RERE: variants seen among roughly 807,000 people sequenced by gnomAD.
RERE encodes the protein arginine-glutamic acid dipeptide repeats protein.
In RERE, 40 loss-of-function variants were observed where a neutral mutation model predicts 146.1. The observed-to-expected ratio is 0.27, with a 90% CI of 0.21 to 0.36. The LOEUF is 0.36. Among genes scored for constraint, RERE ranks in the 10% least tolerant of loss-of-function variants. RERE has a pLI of 1.00. For synonymous variants in RERE, 1,003 were observed against 866.0 expected, an observed-to-expected ratio of 1.16 and a Z score of -2.78; for missense variants, 1,933 against 2,138.7, an observed-to-expected ratio of 0.90 and a Z score of 1.90.
At chr1:8,805,153 C>T (rs1641665705) in intron 1 of RERE, among the ~76,000 whole-genome samples, 1 of 151,152 alleles carries the variant, frequency 6.6e-6, no homozygotes, top group Non-Finnish European at 1.5e-5. Flanking sequence ...TACAGATGCC[C>T]GCCACCATAC....
At chr1:8,674,334 C>T (rs867917311) in intron 1 of RERE, among the ~76,000 whole-genome samples, 15 of 152,070 alleles carry the variant, frequency 9.9e-5, no homozygotes, top group African/African-American at 3.4e-4. Flanking sequence ...GAAAGTAATA[C>T]ATACTTCTTT....
chr1:8,771,439 G>A (rs1010535790), intron 1 of RERE, among the ~76,000 whole-genome samples: 12 of 151,324 alleles, frequency 7.9e-5, no homozygotes, highest in Non-Finnish European at 1.0e-4. Context: ...CAGGAGAATC[G>A]CTTGAACCCA....
chr1:8,494,387 T>G (rs760660684), intron 10 of RERE, among the ~76,000 whole-genome samples: 1 of 152,154 alleles, frequency 6.6e-6, no homozygotes, highest in Non-Finnish European at 1.5e-5. Flanking sequence ...AAATTGTGAC[T>G]TAATCTCTCT....
At chr1:8,776,137 C>T (rs1641059999) in intron 1 of RERE, among the ~76,000 whole-genome samples, 1 of 152,202 alleles carries the variant, frequency 6.6e-6, no homozygotes, top group Non-Finnish European at 1.5e-5. Flanking sequence ...CTAAATTCTT[C>T]ATCTGTTTAT....
rs1191948160 is a variant in RERE, at chr1:8,360,296, A to G, written c.3211T>C (p.Ser1071Pro). ...GPGTSAQPPC[S>P]GAAASGGSIA... is the part of the protein sequence containing the mutation. ...CTGCCTCCTGAAGCCGCCGCACCAG[A>G]GCAGGGTGGCTGGGCCGAGGTGCCA... Residue 1071 changes from serine (S) to proline (P), a missense_variant, in exon 18 of 23, where the codon TCT becomes CCT. Ser to Pro is a moderately conservative substitution (Grantham distance 74). This residue lies in a region of RERE where 1,255 missense variants were observed against 1,153.8 expected (regional missense o/e 1.09). Transcript: ENST00000400908. The G allele has an allele frequency of 6.4e-7, 1 of 1,552,150 alleles. No homozygotes were observed.
chr1:8,746,140 A>T (rs1273553075), intron 1 of RERE, among the ~76,000 whole-genome samples: 1 of 152,230 alleles, frequency 6.6e-6, no homozygotes, highest in African/African-American at 2.4e-5. Context: ...AATTTCTTTG[A>T]TCCTCACAAT....
intron 1 of RERE, chr1:8,805,899 T>C (rs1396083424): frequency 1.4e-5 from 2 of 139,310 alleles, no homozygotes; most frequent in Non-Finnish European, 3.0e-5. Flanking sequence ...TTTTCCAGGC[T>C]GGAGTGCAAT....
At chr1:8,400,998 A>T (rs1643232028) in intron 12 of RERE, among the ~76,000 whole-genome samples, 1 of 118,726 alleles carries the variant, frequency 8.4e-6, no homozygotes. Context: ...AGCCTGGGTG[A>T]CACAGTGAGA....
intron 4 of RERE, among the ~76,000 whole-genome samples, chr1:8,600,741 A>T (rs1646611527): frequency 7.0e-6 from 1 of 143,452 alleles, no homozygotes; most frequent in South Asian, 2.2e-4. Flanking sequence ...CACTGAAAAC[A>T]AGCCAATACT....
At chr1:8,386,575 T>TTTTTTTTTTTTTTTTTTTTTTTTTTG (rs1553159899) in intron 12 of RERE, among the ~76,000 whole-genome samples, 2 of 147,940 alleles carry the variant, frequency 1.4e-5, no homozygotes, top group Non-Finnish European at 3.0e-5. Context: ...CTAGAACTCT[T>TTTTTTTTTTTTTTTTTTTTTTTTTTG]ACAAATGAAA....
chr1:8,361,298 G>T lies in RERE; in HGVS notation c.2209C>A (p.Gln737Lys). 1 of 1,607,536 alleles carries T rather than the reference G, an allele frequency of 6.2e-7. No individual in the cohort carries two copies. Residue 737 changes from glutamine (Q) to lysine (K), a missense_variant, in exon 18 of 23, where the codon CAG (glutamine) becomes AAG (lysine). Transcript: ENST00000400908. ...SSAQQQMLQA[Q>K]PPALQAPTGV... is the part of the protein sequence containing the mutation. ...GTGGGAGCCTGCAAGGCTGGGGGCT[G>T]GGCCTGCAGCATCTGCTGCTGGGCT...
At chr1:8,712,458 C>T (rs991744777) in intron 1 of RERE, among the ~76,000 whole-genome samples, 2 of 152,168 alleles carry the variant, frequency 1.3e-5, no homozygotes, top group African/African-American at 4.8e-5. Context: ...GTGAAGAATA[C>T]GAGAGCCCTA....
chr1:8,685,102 C>T (rs1639055694), intron 1 of RERE, among the ~76,000 whole-genome samples: 1 of 152,206 alleles, frequency 6.6e-6, no homozygotes, highest in Admixed American at 6.5e-5. Context: ...AAGCAATCCT[C>T]TCTTCTAGGC....
intron 12 of RERE, among the ~76,000 whole-genome samples, chr1:8,410,209 G>C (rs1244426542): frequency 6.6e-6 from 1 of 151,996 alleles, no homozygotes; most frequent in African/African-American, 2.4e-5. Context: ...AGGGGAGGGG[G>C]GCCGCCCTGG....
chr1:8,701,401 C>T (rs1261747382), intron 1 of RERE, among the ~76,000 whole-genome samples: 1 of 151,608 alleles, frequency 6.6e-6, no homozygotes, highest in Non-Finnish European at 1.5e-5. Context: ...ATCCTATACG[C>T]TATAAAAACA....
chr1:8,736,229 C>T (rs565885102), intron 1 of RERE, among the ~76,000 whole-genome samples: 1 of 152,096 alleles, frequency 6.6e-6, no homozygotes, highest in Admixed American at 6.5e-5. Context: ...TTTTTGGAGA[C>T]AGAGTCTTGC....
intron 2 of RERE, among the ~76,000 whole-genome samples, chr1:8,638,789 T>A (rs1162109915): frequency 2.8e-5 from 4 of 140,472 alleles, no homozygotes; most frequent in African/African-American, 8.3e-5. Flanking sequence ...AAAAATTTTT[T>A]TTTTTTTTTT....
At chr1:8,743,878 T>C (rs980260689) in intron 1 of RERE, among the ~76,000 whole-genome samples, 4 of 152,178 alleles carry the variant, frequency 2.6e-5, no homozygotes, top group Admixed American at 6.5e-5. Context: ...AGAGCACTTT[T>C]CACCATCAAA....
intron 11 of RERE, among the ~76,000 whole-genome samples, chr1:8,426,072 A>G (rs527723527): frequency 2.0e-5 from 3 of 152,234 alleles, no homozygotes; most frequent in Admixed American, 6.5e-5. Context: ...TACAGTGGTA[A>G]CTATTTTCTG....
Sources: gnomAD v4.1 joint callset for allele counts (sites outside exome capture counted in the v4.1 genomes callset) on GRCh38, gnomAD v4.1.1 for gene constraint, gnomAD v4.1.1 regional missense constraint, MANE v1.5 for transcripts, NCBI Gene and HGNC (gene_info 2026-07-23, HGNC 2026-07-21) for gene names.